HDAC8: variants seen among roughly 807,000 people sequenced by gnomAD.
HDAC8 encodes the protein histone deacetylase-like 1.
A neutral mutation model predicts 32.2 loss-of-function variants in HDAC8; 1 was observed. The ratio of observed to expected loss-of-function variants is 0.03; its 90% CI spans 0.01 to 0.15. HDAC8 has a LOEUF of 0.15. HDAC8 is among the 10% of genes least tolerant of loss of function. The probability of loss-of-function intolerance (pLI) is 1.00; values close to 1 mark genes in which losing one functional copy is unlikely to be tolerated. For synonymous variants in HDAC8, 108 were observed against 113.9 expected, an observed-to-expected ratio of 0.95 and a Z score of 0.33; for missense variants, 117 against 300.0, an observed-to-expected ratio of 0.39 and a Z score of 4.51.
chrX:72,394,098 T>C lies in HDAC8; in HGVS notation c.1006-42260A>G, dbSNP rs569298064. Among the ~76,000 whole-genome samples the C allele has an allele frequency of 4.2e-3, 468 of 111,658 alleles. 2 individuals are homozygous for C. Among genetic ancestry groups the C allele is most frequent in the Non-Finnish European group, 6.8e-3 (363 of 53,078 alleles). On this transcript the variant is annotated intron_variant, in intron 9 of 10. Coordinates refer to ENST00000373573, the MANE Select transcript of HDAC8 (RefSeq NM_018486.3). ...CAGAGTTGTGGGGAGTCATCAGATA[T>C]CTGACATCAGAATCAAAGGCTATAT...
chrX:72,538,169 C>T (rs188517010), intron 4 of HDAC8, among the ~76,000 whole-genome samples: 2 of 109,385 alleles, frequency 1.8e-5, no homozygotes, highest in East Asian at 5.7e-4. Context: ...TTCTCTTAGC[C>T]CTTGGTTTTG....
At chrX:72,414,549 C>G (rs981563299) in intron 9 of HDAC8, among the ~76,000 whole-genome samples, 5 of 112,367 alleles carry the variant, frequency 4.4e-5, no homozygotes, top group Admixed American at 9.4e-5. Flanking sequence ...TCAGAACGTA[C>G]TTGAAGAAAG....
At chrX:72,356,865 C>G (rs1162449077) in intron 9 of HDAC8, among the ~76,000 whole-genome samples, 1 of 111,462 alleles carries the variant, frequency 9.0e-6, no homozygotes, top group Non-Finnish European at 1.9e-5. Context: ...ATTAGAGGCA[C>G]GAGCCACCAT....
At chrX:72,355,937 G>A (rs2044338665) in intron 9 of HDAC8, among the ~76,000 whole-genome samples, 1 of 111,636 alleles carries the variant, frequency 9.0e-6, no homozygotes, top group Non-Finnish European at 1.9e-5. Context: ...TTCATAGGAG[G>A]GATTATTATA....
At chrX:72,478,785 T>G (rs2048414134) in intron 7 of HDAC8, among the ~76,000 whole-genome samples, 2 of 108,449 alleles carry the variant, frequency 1.8e-5, no homozygotes, top group Non-Finnish European at 3.8e-5. Flanking sequence ...GCCTCCCAAG[T>G]AGCTGGGACT....
At chrX:72,451,939 C>A (rs983416503) in intron 9 of HDAC8, among the ~76,000 whole-genome samples, 23 of 111,901 alleles carry the variant, frequency 2.1e-4, no homozygotes, top group African/African-American at 7.5e-4. Flanking sequence ...AAACAGAGCC[C>A]AGCAATCTCA....
In HDAC8 at chrX:72,423,015, C is replaced by G. The variant is rs189537011; in HGVS notation, c.1005+38989G>C. 4.3e-3 allele frequency among the ~76,000 whole-genome samples: 474 copies of G among 111,423 alleles called. 3 individuals are homozygous for G. Among genetic ancestry groups the G allele is most frequent in the South Asian group, 0.033 (84 of 2,584 alleles). ...TAATCTGTATAACAAACCCCCATGA[C>G]AGAAGTTTACCTATATAACAAACCT... On this transcript the variant is annotated intron_variant, in intron 9 of 10. Transcript: ENST00000373573.
At chrX:72,426,621 T>C (rs2046646916) in intron 9 of HDAC8, among the ~76,000 whole-genome samples, 1 of 111,949 alleles carries the variant, frequency 8.9e-6, no homozygotes, top group Admixed American at 9.4e-5. Flanking sequence ...TTTTTCTTTT[T>C]TCATAAAAGT....
intron 9 of HDAC8, among the ~76,000 whole-genome samples, chrX:72,374,011 A>T (rs1376917589): frequency 9.0e-6 from 1 of 111,639 alleles, no homozygotes; most frequent in Non-Finnish European, 1.9e-5. Flanking sequence ...AGCAATGTCT[A>T]TGTGTATCCT....
chrX:72,555,759 T>A (rs1280628512), intron 4 of HDAC8, among the ~76,000 whole-genome samples: 16 of 112,677 alleles, frequency 1.4e-4, no homozygotes, highest in African/African-American at 5.2e-4. Context: ...GGGACTATGT[T>A]AAATGTCCAA....
At chrX:72,366,028 C>T (rs3788792) in intron 9 of HDAC8, among the ~76,000 whole-genome samples, 2,044 of 112,341 alleles carry the variant, frequency 0.018, 28 homozygotes, top group East Asian at 0.079. Context: ...GGAGATACAG[C>T]TATGCAAATG....
chrX:72,349,964 G>A (rs1381173828), intron 10 of HDAC8, among the ~76,000 whole-genome samples: 1 of 111,736 alleles, frequency 8.9e-6, no homozygotes, highest in East Asian at 2.8e-4. Flanking sequence ...AGGAAGAAGG[G>A]TAAGAGAAGC....
intron 7 of HDAC8, among the ~76,000 whole-genome samples, chrX:72,468,722 C>T (rs2048086278): frequency 9.0e-6 from 1 of 111,718 alleles, no homozygotes; most frequent in Non-Finnish European, 1.9e-5. Flanking sequence ...ATAAGCAATA[C>T]TCAGGAAGCT....
At chrX:72,415,958 A>T (rs1462231109) in intron 9 of HDAC8, among the ~76,000 whole-genome samples, 1 of 111,517 alleles carries the variant, frequency 9.0e-6, no homozygotes, top group Non-Finnish European at 1.9e-5. Context: ...TGTCTTTCAG[A>T]TGTCAAAGCT....
At chrX:72,347,854 C>T (rs1329147569) in intron 10 of HDAC8, among the ~76,000 whole-genome samples, 4 of 111,946 alleles carry the variant, frequency 3.6e-5, no homozygotes, top group African/African-American at 1.3e-4. Flanking sequence ...TTATGAACAA[C>T]GACACATGCC....
In HDAC8 at chrX:72,420,942, C is replaced by T. The variant is rs782086535; in HGVS notation, c.1005+41062G>A. 1.3e-4 allele frequency among the ~76,000 whole-genome samples: 14 copies of T among 110,679 alleles called. 1 individual carries two copies. The highest frequency in any genetic ancestry group is 1.2e-3 in the Admixed American group (13 of 10,401). ...TCTCTGCCTTTTGATTGGTCACTTTCATCTATTTACATTTAATTTGTTTAC... is the reference window on the plus strand; with the variant it reads ...TCTCTGCCTTTTGATTGGTCACTTTTATCTATTTACATTTAATTTGTTTAC... On this transcript the variant is annotated intron_variant, in intron 9 of 10. Coordinates refer to ENST00000373573, the MANE Select transcript of HDAC8 (RefSeq NM_018486.3).
chrX:72,494,550 A>C (rs2048965029), intron 5 of HDAC8, among the ~76,000 whole-genome samples: 2 of 111,549 alleles, frequency 1.8e-5, no homozygotes. Context: ...CTAGATGGAA[A>C]ATACATAGGA....
At chrX:72,508,994 C>G (rs182647357) in intron 4 of HDAC8, among the ~76,000 whole-genome samples, 140 of 111,820 alleles carry the variant, frequency 1.3e-3, no homozygotes, top group Non-Finnish European at 2.1e-3. Flanking sequence ...GAAACCATCA[C>G]CACAATCTAT....
chrX:72,559,969 G>A (rs782277023), intron 4 of HDAC8, among the ~76,000 whole-genome samples: 1 of 98,222 alleles, frequency 1.0e-5, no homozygotes, highest in African/African-American at 3.8e-5. Context: ...CCCGGCCGCT[G>A]CCCCGTCTGG....
Sources: gnomAD v4.1 joint callset for allele counts (sites outside exome capture counted in the v4.1 genomes callset) on GRCh38, gnomAD v4.1.1 for gene constraint, MANE v1.5 for transcripts, NCBI Gene and HGNC (gene_info 2026-07-23, HGNC 2026-07-21) for gene names.